AGPAT3: variants seen among roughly 807,000 people sequenced by gnomAD.
AGPAT3 encodes the protein 1-acylglycerol-3-phosphate O-acyltransferase 3, also known as 1-acyl-sn-glycerol-3-phosphate acyltransferase gamma.
Under a neutral mutation model 47.3 loss-of-function variants are expected in AGPAT3, and 5 were observed. The observed-to-expected ratio is 0.11, with a 90% CI of 0.06 to 0.22. The LOEUF (loss-of-function observed/expected upper bound fraction) is 0.22, where lower values mean the gene tolerates loss of function less well. Among genes scored for constraint, AGPAT3 ranks in the 10% least tolerant of loss-of-function variants. The pLI, the probability that AGPAT3 is intolerant of heterozygous loss-of-function variation, is 1.00. For synonymous variants in AGPAT3, 212 were observed against 208.3 expected, an observed-to-expected ratio of 1.02 and a Z score of -0.15; for missense variants, 315 against 493.0, an observed-to-expected ratio of 0.64 and a Z score of 3.42.
At chr21:43,935,181 G>A (rs545917223) in intron 2 of AGPAT3, among the ~76,000 whole-genome samples, 81 of 152,400 alleles carry the variant, frequency 5.3e-4, no homozygotes, top group African/African-American at 1.7e-3. Flanking sequence ...GTGCCGTGCC[G>A]CGCTAGCACG....
rs941044071 is a variant in AGPAT3, at chr21:43,954,343, G to A, written c.-48-5291G>A. 6.6e-6 allele frequency among the ~76,000 whole-genome samples: 1 copy of A among 152,208 alleles called. No individual in the cohort carries two copies. Among genetic ancestry groups the A allele is most frequent in the African/African-American group, 2.4e-5 (1 of 41,444 alleles). ...GGGAGGTGGAACAGGGTACCTGCGA[G>A]GTCTGTGAGTGAAACTACACTGCTG... On this transcript the variant is annotated intron_variant, in intron 2 of 9. Coordinates refer to ENST00000291572, the MANE Select transcript of AGPAT3 (RefSeq NM_020132.5). This position sits in a 1 kb window ranked among gnomAD's most constrained non-coding sequence, Gnocchi z 4.0.
rs149024613 is a variant in AGPAT3, at chr21:43,969,174, G to A, written c.405G>A (p.Thr135=). The A allele has an allele frequency of 1.2e-4, 190 of 1,614,100 alleles. 1 individual carries two copies. The highest frequency in any genetic ancestry group is 1.4e-4 in the Non-Finnish European group (165 of 1,180,038). The change falls in exon 5 of 10, where the codon ACG becomes ACA. Residue 135 remains threonine (T), a synonymous_variant. Coordinates refer to ENST00000291572, the MANE Select transcript of AGPAT3 (RefSeq NM_020132.5). Reference sequence around the variant, plus strand: ...TCTACGTGCCCCTCATCGGCTGGACGTGGTACTTTCTGGAGATTGTGTTCT... The same window carrying A: ...TCTACGTGCCCCTCATCGGCTGGACATGGTACTTTCTGGAGATTGTGTTCT... ...ELLYVPLIGW[T]WYFLEIVFCK...
chr21:43,908,279 C>T lies in AGPAT3; in HGVS notation c.-49+4260C>T, dbSNP rs1455289304. ...AGCTTTGTTGGGGCTGGTCACTCCC[C>T]AGCCCTGAGGACTCTGGGGAAGGAA... On this transcript the variant is annotated intron_variant, in intron 2 of 9. Coordinates refer to ENST00000291572, the MANE Select transcript of AGPAT3 (RefSeq NM_020132.5). The surrounding 1 kb of genome is among the most constrained non-coding windows in gnomAD (Gnocchi z 4.9). Among the ~76,000 whole-genome samples, 1 of 152,126 alleles carries T rather than the reference C, an allele frequency of 6.6e-6. No individual in the cohort carries two copies. Among genetic ancestry groups the T allele is most frequent in the East Asian group, 1.9e-4 (1 of 5,190 alleles).
At chr21:43,980,784 C>T (rs528351634) in intron 8 of AGPAT3, among the ~76,000 whole-genome samples, 4 of 152,306 alleles carry the variant, frequency 2.6e-5, no homozygotes, top group East Asian at 1.9e-4. Context: ...GATATGCTTG[C>T]GAGCTCTCGA....
intron 1 of AGPAT3, among the ~76,000 whole-genome samples, chr21:43,894,217 C>CTTTTTTTTT (rs11370715): frequency 2.1e-5 from 3 of 140,224 alleles, no homozygotes; most frequent in Non-Finnish European, 1.5e-5. Context: ...TTCTTTCTTT[C>CTTTTTTTTT]TTTTTTTTTT....
Position 43,981,326 on chromosome 21 carries a change from C to T in AGPAT3, c.1042+139C>T. 1.1e-6 allele frequency: 1 copy of T among 951,338 alleles called. No homozygotes were observed. The highest frequency in any genetic ancestry group is 1.6e-6 in the Non-Finnish European group (1 of 625,436). The allele number at this position is 951,338 out of a possible 1,614,324, so 58.9% of individuals were successfully genotyped here. A position where few individuals can be genotyped will look rare whatever the true frequency, so the allele number is the denominator to read the frequency against. On this transcript the variant is annotated intron_variant, in intron 9 of 9. Coordinates refer to ENST00000291572, the MANE Select transcript of AGPAT3 (RefSeq NM_020132.5). The surrounding 1 kb of genome is among the most constrained non-coding windows in gnomAD (Gnocchi z 5.3). ...TTATGGACCCTGGAGCCAGGATCCC[C>T]CCACGGCCTGCGGGCCTCAGAGCCT...
chr21:43,926,153 C>A (rs545970840), intron 2 of AGPAT3, among the ~76,000 whole-genome samples: 3 of 152,260 alleles, frequency 2.0e-5, no homozygotes, highest in African/African-American at 7.2e-5. Context: ...CTTGCCTTCT[C>A]CCGCTGGGTC....
chr21:43,981,305 G>C lies in AGPAT3; in HGVS notation c.1042+118G>C. 8.9e-7 allele frequency: 1 copy of C among 1,128,114 alleles called. No individual in the cohort carries two copies. The highest frequency in any genetic ancestry group is 1.5e-5 in the African/African-American group (1 of 65,882). 69.9% of individuals were successfully genotyped at this position (1,128,114 alleles called of 1,614,324 possible). ...TGGGAGGCAGGGGCCTGGCTGTTAT[G>C]GACCCTGGAGCCAGGATCCCCCCAC... On this transcript the variant is annotated intron_variant, in intron 9 of 9. Transcript: ENST00000291572. The surrounding 1 kb of genome is among the most constrained non-coding windows in gnomAD (Gnocchi z 5.3).
intron 2 of AGPAT3, among the ~76,000 whole-genome samples, chr21:43,945,431 G>A (rs943421724): frequency 1.3e-5 from 2 of 152,208 alleles, no homozygotes; most frequent in African/African-American, 4.8e-5. Flanking sequence ...TTGAGTAATG[G>A]TTTAGAAACT....
At chr21:43,877,004 G>C (rs537728878) in intron 1 of AGPAT3, among the ~76,000 whole-genome samples, 1 of 152,190 alleles carries the variant, frequency 6.6e-6, no homozygotes, top group East Asian at 1.9e-4. Context: ...GACTACAGGT[G>C]CATGCCATCA....
At chr21:43,931,922 C>CGTGTGTGTGTGTGTGTGTGT (rs55978822) in intron 2 of AGPAT3, among the ~76,000 whole-genome samples, 1 of 145,648 alleles carries the variant, frequency 6.9e-6, no homozygotes, top group African/African-American at 2.6e-5. Flanking sequence ...AAGAGGATCT[C>CGTGTGTGTGTGTGTGTGTGT]GTGTGTGTGT....
intron 3 of AGPAT3, among the ~76,000 whole-genome samples, chr21:43,960,439 G>A (rs531839269): frequency 6.6e-6 from 1 of 152,338 alleles, no homozygotes; most frequent in South Asian, 2.1e-4. Flanking sequence ...CACACCGGGC[G>A]TCGTGGGGAC....
rs2088250230 is a variant in AGPAT3 at position 43,952,551 on chromosome 21, C to T, written c.-48-7083C>T. 6.6e-6 allele frequency among the ~76,000 whole-genome samples: 1 copy of T among 152,152 alleles called. No individual in the cohort carries two copies. Among genetic ancestry groups the T allele is most frequent in the African/African-American group, 2.4e-5 (1 of 41,442 alleles). ...TGCTCCCCTGATCTAAGAAGGTGCA[C>T]ACCCCGGTAGCTTGTGCAGGGGCCA... On this transcript the variant is annotated intron_variant, in intron 2 of 9. Coordinates refer to ENST00000291572, the MANE Select transcript of AGPAT3 (RefSeq NM_020132.5). This position sits in a 1 kb window ranked among gnomAD's most constrained non-coding sequence, Gnocchi z 5.6.
intron 2 of AGPAT3, among the ~76,000 whole-genome samples, chr21:43,928,488 G>A (rs2087130643): frequency 6.6e-6 from 1 of 152,090 alleles, no homozygotes; most frequent in African/African-American, 2.4e-5. Context: ...AGGGTTCAGT[G>A]CCTCCCGCCT....
intron 2 of AGPAT3, among the ~76,000 whole-genome samples, chr21:43,949,010 A>G (rs569345776): frequency 3.3e-5 from 5 of 152,166 alleles, no homozygotes; most frequent in Non-Finnish European, 7.4e-5. Flanking sequence ...TGCTGTTTTA[A>G]TTATTGAGGC....
chr21:43,956,288 C>T (rs1454600748), intron 2 of AGPAT3, among the ~76,000 whole-genome samples: 1 of 152,212 alleles, frequency 6.6e-6, no homozygotes, highest in East Asian at 1.9e-4. Flanking sequence ...GGGGGGGCTG[C>T]AGTGTGTCTG....
chr21:43,959,083 GGT>G lies in AGPAT3; in HGVS notation c.-48-540_-48-539del, dbSNP rs964453259. Among the ~76,000 whole-genome samples the G allele has an allele frequency of 7.9e-5, 4 of 50,320 alleles. No homozygotes were observed. In the South Asian group the frequency reaches 2.1e-3, roughly 26 times the overall value. 33.0% of individuals were successfully genotyped at this position (50,320 alleles called of 152,430 possible). ...GGTATGCGTGGTGTGTGTGGTTTGTGGTGTGTGTGTGTCATGTGTGTGGTTTG... is the reference window on the plus strand; with the variant it reads ...GGTATGCGTGGTGTGTGTGGTTTGTGGTGTGTGTGTCATGTGTGTGGTTTG... On this transcript the variant is annotated intron_variant, in intron 2 of 9. Transcript: ENST00000291572.
Position 43,939,369 on chromosome 21 carries a change from C to T in AGPAT3, c.-48-20265C>T, listed in dbSNP as rs1312879184. Among the ~76,000 whole-genome samples, 1 of 152,208 alleles carries T rather than the reference C, an allele frequency of 6.6e-6. No individual in the cohort carries two copies. Among genetic ancestry groups the T allele is most frequent in the Non-Finnish European group, 1.5e-5 (1 of 68,028 alleles). ...CCCCAGGAGGTTTCCCAGGGCGATG[C>T]TCTGGTCCCTGGGTCCTTTGATCTC... is the stretch of plus-strand genomic sequence containing the variant. On this transcript the variant is annotated intron_variant, in intron 2 of 9. Transcript: ENST00000291572. The surrounding 1 kb of genome is among the most constrained non-coding windows in gnomAD (Gnocchi z 4.4).
At position 43,983,825 on chromosome 21, in the gene AGPAT3, A is replaced by G. The variant is rs1188636050; in HGVS notation, c.*1433A>G. 6.6e-6 allele frequency: 1 copy of G among 152,238 alleles called. No individual in the cohort carries two copies. Among genetic ancestry groups the G allele is most frequent in the Non-Finnish European group, 1.5e-5 (1 of 68,034 alleles). The allele number at this position is 152,238 out of a possible 1,614,324, so 9.4% of individuals were successfully genotyped here. A position where few individuals can be genotyped will look rare whatever the true frequency, so the allele number is the denominator to read the frequency against. ...TCTTTTTAGCAAGGTAAAAAAACCAAAATGGGTGTTATCTCTGATATCTTG... is the reference window on the plus strand; with the variant it reads ...TCTTTTTAGCAAGGTAAAAAAACCAGAATGGGTGTTATCTCTGATATCTTG... On this transcript the variant is annotated 3_prime_UTR_variant, in exon 10 of 10. Transcript: ENST00000291572.
Sources: allele counts gnomAD v4.1 joint callset (sites outside exome capture counted in the v4.1 genomes callset), GRCh38; gene constraint gnomAD v4.1.1; non-coding constraint Gnocchi (gnomAD v3.1); transcripts MANE v1.5; gene names NCBI Gene and HGNC (gene_info 2026-07-23, HGNC 2026-07-21).